CLIP4: variants seen among roughly 807,000 people sequenced by gnomAD.
CLIP4 encodes the protein CAP-Gly domain containing linker protein family member 4.
In CLIP4, 47 loss-of-function variants were observed where a neutral mutation model predicts 73.1. The observed-to-expected ratio is 0.64, with a 90% CI of 0.51 to 0.82. CLIP4 has a LOEUF of 0.82. CLIP4 is among the 40% of genes least tolerant of loss of function. The pLI is 0.00. For missense variants in CLIP4, 874 were observed against 852.9 expected (o/e 1.02, Z -0.31); for synonymous variants, 306 against 295.4 (o/e 1.04, Z -0.37).
At chr2:29,167,561 G>A in intron 14 of CLIP4, 21 bp downstream of exon 14, 1 of 1,549,978 alleles carries the variant, frequency 6.5e-7, no homozygotes, top group Non-Finnish European at 8.7e-7. Context: ...ACAGTTTTGT[G>A]TTCCTAATCA....
chr2:29,160,320 C>T lies in CLIP4; in HGVS notation c.1400-13C>T, dbSNP rs1261310545. On this transcript the variant is annotated splice_polypyrimidine_tract_variant and intron_variant, in intron 11 of 15. Coordinates refer to ENST00000320081, the MANE Select transcript of CLIP4 (RefSeq NM_024692.6). ...TCCTGCCCTGCCCCTGTATCCCTCC[C>T]TGACTTAAACAGGTTTGAATTCCTC... The T allele has an allele frequency of 1.2e-6, 2 of 1,613,962 alleles. No individual in the cohort carries two copies. Among genetic ancestry groups the T allele is most frequent in the Non-Finnish European group, 1.7e-6 (2 of 1,179,936 alleles).
chr2:29,135,880 C>T (rs1325863843), intron 6 of CLIP4, among the ~76,000 whole-genome samples: 1 of 152,076 alleles, frequency 6.6e-6, no homozygotes, highest in Admixed American at 6.6e-5. Context: ...AAGTCCCATT[C>T]AGGAAAGTAA....
chr2:29,156,800 T>C (rs972130109), intron 10 of CLIP4, among the ~76,000 whole-genome samples: 7 of 152,204 alleles, frequency 4.6e-5, no homozygotes, highest in Admixed American at 1.3e-4. Context: ...TGCCTTCTGG[T>C]TTAACTCAAA....
At chr2:29,176,843 G>T (rs932658152) in intron 15 of CLIP4, among the ~76,000 whole-genome samples, 9 of 152,172 alleles carry the variant, frequency 5.9e-5, no homozygotes, top group Non-Finnish European at 1.2e-4. Flanking sequence ...GGCATGGTTT[G>T]GTCAGCCCAA....
At chr2:29,116,025 G>C (rs959622822) in intron 1 of CLIP4, among the ~76,000 whole-genome samples, 1 of 152,204 alleles carries the variant, frequency 6.6e-6, no homozygotes, top group Non-Finnish European at 1.5e-5. Flanking sequence ...CCCCGCACGC[G>C]CAGTGGCTTT....
chr2:29,174,969 A>C (rs1179991545), intron 15 of CLIP4, among the ~76,000 whole-genome samples: 1 of 151,380 alleles, frequency 6.6e-6, no homozygotes, highest in Admixed American at 6.6e-5. Context: ...ACTACCCCCC[A>C]TTGGTTTTCT....
chr2:29,130,676 T>C, intron 2 of CLIP4: 3 of 1,132,224 alleles, frequency 2.6e-6, no homozygotes, highest in Non-Finnish European at 3.3e-6. Flanking sequence ...AGTTCAATCT[T>C]TCTGATTCTC....
chr2:29,133,809 A>G lies in CLIP4; in HGVS notation c.522A>G (p.Lys174=). The change falls in exon 5 of 16, where the codon AAA becomes AAG. Residue 174 remains lysine (K), a synonymous_variant. Transcript: ENST00000320081. ...ELIRVILKTS[K]PKDVDATCSD... Reference sequence around the variant, plus strand: ...TAAGAGTGATTTTGAAAACATCGAAACCAAAAGGCAAGTATTATAAGATCA... The same window carrying G: ...TAAGAGTGATTTTGAAAACATCGAAGCCAAAAGGCAAGTATTATAAGATCA... The G allele has an allele frequency of 6.2e-7, 1 of 1,602,456 alleles. No homozygotes were observed. Among genetic ancestry groups the G allele is most frequent in the East Asian group, 2.2e-5 (1 of 44,750 alleles).
At chr2:29,130,686 C>T (rs2148485128) in intron 2 of CLIP4, 2 of 1,137,664 alleles carry the variant, frequency 1.8e-6, no homozygotes, top group South Asian at 2.0e-5. Flanking sequence ...TTCTGATTCT[C>T]TTCTGATGGA....
At chr2:29,173,198 CTTTAA>C (rs1430380869) in intron 14 of CLIP4, among the ~76,000 whole-genome samples, 21 of 152,222 alleles carry the variant, frequency 1.4e-4, no homozygotes, top group South Asian at 2.1e-4. Flanking sequence ...CAACCTGGGA[CTTTAA>C]TTTATAGTCT....
chr2:29,149,876 A>AAAAT (rs1337557409), intron 8 of CLIP4, among the ~76,000 whole-genome samples: 2 of 152,166 alleles, frequency 1.3e-5, no homozygotes, highest in African/African-American at 4.8e-5. Flanking sequence ...TTTTTGTTAG[A>AAAAT]AAATATATTT....
chr2:29,158,484 T>A (rs1667081793), intron 11 of CLIP4, among the ~76,000 whole-genome samples: 1 of 151,832 alleles, frequency 6.6e-6, no homozygotes, highest in African/African-American at 2.4e-5. Flanking sequence ...ATGAAGAGAG[T>A]TATCAGAGTG....
At chr2:29,163,771 G>GTAGC (rs1667433642) in intron 12 of CLIP4, 60 bp from the exon 13 acceptor site, 1 of 1,521,910 alleles carries the variant, frequency 6.6e-7, no homozygotes, top group Admixed American at 2.1e-5. Context: ...GTTTTGTATA[G>GTAGC]TAGCATAAGA....
At chr2:29,107,392 G>A (rs1168452361) in intron 1 of CLIP4, among the ~76,000 whole-genome samples, 1 of 37,098 alleles carries the variant, frequency 2.7e-5, no homozygotes, top group Admixed American at 4.2e-4. Flanking sequence ...TTTTTTTTGA[G>A]ATGGAGTCTC....
intron 12 of CLIP4, among the ~76,000 whole-genome samples, chr2:29,162,834 T>A (rs1282056679): frequency 6.6e-6 from 1 of 152,164 alleles, no homozygotes; most frequent in Non-Finnish European, 1.5e-5. Flanking sequence ...GGAAAAAAAT[T>A]AAGAACTTGT....
At chr2:29,163,270 A>T (rs1667404691) in intron 12 of CLIP4, among the ~76,000 whole-genome samples, 2 of 152,074 alleles carry the variant, frequency 1.3e-5, no homozygotes, top group Admixed American at 6.5e-5. Flanking sequence ...AGGTAAAAAA[A>T]AAAAGATTTT....
At chr2:29,148,596 C>T (rs1470267718) in intron 8 of CLIP4, among the ~76,000 whole-genome samples, 1 of 152,162 alleles carries the variant, frequency 6.6e-6, no homozygotes. Context: ...AATCCTGCTC[C>T]TTAGAACTAG....
chr2:29,157,207 C>A lies in CLIP4; in HGVS notation c.1259C>A (p.Ala420Asp), dbSNP rs1666981780. The change falls in exon 11 of 16, where the codon GCC becomes GAC. Residue 420 changes from alanine to aspartate, a missense_variant. Physicochemically the swap from Ala to Asp is moderately radical, Grantham distance 126 (BLOSUM62 -2). Coordinates refer to ENST00000320081, the MANE Select transcript of CLIP4 (RefSeq NM_024692.6). ...ACACGTTCTTTATCTGTTACAGTTG[C>A]CCTGCTTGGATCTGTCAGCAGCTGC... ...ELKTVTEKDV[A>D]LLGSVSSCSS... 2 of 1,613,942 alleles carry A rather than the reference C, an allele frequency of 1.2e-6. No homozygotes were observed. Among genetic ancestry groups the A allele is most frequent in the Non-Finnish European group, 1.7e-6 (2 of 1,179,848 alleles).
At chr2:29,118,549 G>A (rs1017734814) in intron 1 of CLIP4, among the ~76,000 whole-genome samples, 1 of 145,046 alleles carries the variant, frequency 6.9e-6, no homozygotes, top group South Asian at 2.2e-4. Context: ...ATGGAGTTTC[G>A]CTCTTCTTGC....
Sources: gnomAD v4.1 joint callset for allele counts (sites outside exome capture counted in the v4.1 genomes callset) on GRCh38, gnomAD v4.1.1 for gene constraint, MANE v1.5 for transcripts, NCBI Gene and HGNC (gene_info 2026-07-23, HGNC 2026-07-21) for gene names.